LSM5: variants seen among roughly 807,000 people sequenced by gnomAD.
LSM5 encodes the protein LSM5 homolog, U6 small nuclear RNA and mRNA degradation associated.
A neutral mutation model predicts 13.8 loss-of-function variants in LSM5; 8 were observed. The ratio of observed to expected loss-of-function variants is 0.58; its 90% confidence interval spans 0.34 to 1.04. The LOEUF is 1.04. Among genes scored for constraint, LSM5 ranks in the 50% least tolerant of loss-of-function variants. The probability of loss-of-function intolerance (pLI) is 0.03; values close to 1 mark genes in which losing one functional copy is unlikely to be tolerated. For synonymous variants in LSM5, 35 were observed against 37.0 expected (o/e 0.95, Z 0.20); for missense variants, 80 against 108.1 (o/e 0.74, Z 1.15).
At chr7:32,492,318 A>G (rs1317761099), upstream of LSM5, among the ~76,000 whole-genome samples, 3 of 152,228 alleles carry the variant, frequency 2.0e-5, no homozygotes, top group Admixed American at 6.5e-5. Flanking sequence ...AGGTCAAGAC[A>G]TGAAGACCAT....
Position 32,490,356 on chromosome 7 carries a change from T to C in LSM5, c.10A>G (p.Asn4Asp), listed in dbSNP as rs1232093989. 1 of 1,613,858 alleles carries C rather than the reference T, an allele frequency of 6.2e-7. No individual in the cohort carries two copies. Among genetic ancestry groups the C allele is most frequent in the Non-Finnish European group, 8.5e-7 (1 of 1,179,704 alleles). MAA[N>D]ATTNPSQLLP... ...AGCTGCGACGGGTTGGTAGTAGCGT[T>C]AGCCGCCATGGCTACGCCGGAAGTG... Residue 4 changes from asparagine (N) to aspartate (D), a missense_variant, in exon 1 of 5, where the codon AAC becomes GAC. By Grantham distance (23) the Asn-to-Asp change is conservative (BLOSUM62 1). Transcript: ENST00000450169.
chr7:32,490,238 A>AGGGCCTGCCTC lies in LSM5; in HGVS notation c.46+71_46+81dup, dbSNP rs752399366. ...CTTATACATTTCCCCACACTCGGCCAGGGCCTGCCTCGGAACAGCCCCTCG... is the reference window on the plus strand; with the variant it reads ...CTTATACATTTCCCCACACTCGGCCAGGGCCTGCCTCGGGCCTGCCTCGGAACAGCCCCTCG... On this transcript the variant is annotated intron_variant, in intron 1 of 4. Coordinates refer to ENST00000450169, the MANE Select transcript of LSM5 (RefSeq NM_012322.3). 9.9e-6 allele frequency: 16 copies of AGGGCCTGCCTC among 1,612,952 alleles called. No homozygotes were observed. The Admixed American group carries it at 2.7e-4, about 27-fold the overall frequency.
chr7:32,489,917 A>T, intron 1 of LSM5: 3 of 634,606 alleles, frequency 4.7e-6, no homozygotes, highest in Non-Finnish European at 4.6e-6. Flanking sequence ...TTCCTCATTT[A>T]AGGCTCATTC....
chr7:32,487,646 G>C, intron 4 of LSM5, 39 bp downstream of exon 4: 1 of 1,076,108 alleles, frequency 9.3e-7, no homozygotes, highest in Non-Finnish European at 1.4e-6. Context: ...CCCCAAAAAT[G>C]GGCTCCCATC....
upstream of LSM5, among the ~76,000 whole-genome samples, chr7:32,493,082 C>T (rs930416900): frequency 6.6e-6 from 1 of 152,114 alleles, no homozygotes; most frequent in African/African-American, 2.4e-5. Context: ...GCAGGAGGAT[C>T]CCTTGAGCCC....
At chr7:32,489,219 C>T (rs1417130328) in intron 2 of LSM5, 30 bp downstream of exon 2, 2 of 1,129,334 alleles carry the variant, frequency 1.8e-6, no homozygotes, top group Non-Finnish European at 2.7e-6. Context: ...TAAGAAAAAC[C>T]TATACCACCA....
chr7:32,493,168 A>T (rs1786629952), upstream of LSM5, among the ~76,000 whole-genome samples: 1 of 152,020 alleles, frequency 6.6e-6, no homozygotes, highest in Non-Finnish European at 1.5e-5. Context: ...ACAAGACCTC[A>T]CTCTGTTACC....
chr7:32,493,484 T>G (rs1786637446), upstream of LSM5, among the ~76,000 whole-genome samples: 1 of 152,090 alleles, frequency 6.6e-6, no homozygotes, highest in Non-Finnish European at 1.5e-5. Context: ...GGAAATTCCC[T>G]TGTTCACTTT....
chr7:32,491,421 A>C (rs1057425688), upstream of LSM5, among the ~76,000 whole-genome samples: 1 of 151,384 alleles, frequency 6.6e-6, no homozygotes, highest in African/African-American at 2.4e-5. Context: ...AAAAAAGCTA[A>C]ACAATAAACA....
rs1786451039 is a variant in LSM5 at position 32,486,477 on chromosome 7, T to C, written c.*784A>G. ...ACGATGTGCATATATTACCTGTTTG[T>C]TTTTAATAGGAGTTCTTTGACTTAA... On this transcript the variant is annotated 3_prime_UTR_variant, in exon 5 of 5. Transcript: ENST00000450169. 6.6e-6 allele frequency: 1 copy of C among 152,224 alleles called. No homozygotes were observed. The highest frequency in any genetic ancestry group is 2.1e-4 in the South Asian group (1 of 4,834). The allele number at this position is 152,224 out of a possible 1,614,324, so 9.4% of individuals were successfully genotyped here. A position where few individuals can be genotyped will look rare whatever the true frequency, so the allele number is the denominator to read the frequency against.
At chr7:32,490,517 C>T (rs1230725191), upstream of LSM5, 24 of 646,074 alleles carry the variant, frequency 3.7e-5, no homozygotes, top group Non-Finnish European at 5.9e-5. Flanking sequence ...GGCTTTTTTC[C>T]CCGGCAAGTG....
chr7:32,490,274 C>T (rs777996640), intron 1 of LSM5, 46 bp downstream of exon 1: 1 of 1,614,142 alleles, frequency 6.2e-7, no homozygotes, highest in Admixed American at 1.7e-5. Flanking sequence ...GCCCCCAATC[C>T]TGAATGTCAG....
chr7:32,490,518 C>T, upstream of LSM5: 1 of 642,746 alleles, frequency 1.6e-6, no homozygotes, highest in Non-Finnish European at 2.8e-6. Context: ...GCTTTTTTCC[C>T]CGGCAAGTGA....
At chr7:32,490,868 G>T, upstream of LSM5, 1 of 167,268 alleles carries the variant, frequency 6.0e-6, no homozygotes, top group African/African-American at 2.4e-5. Flanking sequence ...TTTAAGATAT[G>T]TTTTTTAAAC....
chr7:32,488,322 A>G, intron 3 of LSM5: 1 of 297,570 alleles, frequency 3.4e-6, no homozygotes, highest in South Asian at 5.5e-5. Context: ...GGAATGAGCC[A>G]CCATGTCCAG....
At chr7:32,489,402 C>T (rs1342527729) in intron 1 of LSM5, 58 bp from the exon 2 acceptor site, 5 of 919,852 alleles carry the variant, frequency 5.4e-6, no homozygotes, top group Non-Finnish European at 8.9e-6. Context: ...ATTTGAGTGC[C>T]TACTGGCACT....
intron 1 of LSM5, chr7:32,490,099 G>T: frequency 2.0e-6 from 3 of 1,517,936 alleles, no homozygotes; most frequent in Middle Eastern, 1.7e-4. Flanking sequence ...CTTTTCCAGT[G>T]AAGGTCTGGT....
chr7:32,487,829 C>G (rs980635048), intron 3 of LSM5, 72 bp from the exon 4 acceptor site: 6 of 797,086 alleles, frequency 7.5e-6, no homozygotes, highest in Admixed American at 1.8e-5. Flanking sequence ...AATACTTACC[C>G]TCCCTAAAAA....
At chr7:32,488,328 T>G (rs1018360730) in intron 3 of LSM5, 1 of 309,508 alleles carries the variant, frequency 3.2e-6, no homozygotes, top group Non-Finnish European at 5.9e-6. Context: ...AGCCACCATG[T>G]CCAGCCTAAA....
Sources: allele counts gnomAD v4.1 joint callset (sites outside exome capture counted in the v4.1 genomes callset), GRCh38; gene constraint gnomAD v4.1.1; transcripts MANE v1.5; gene names NCBI Gene and HGNC (gene_info 2026-07-23, HGNC 2026-07-21).